The following TSPAN13 variants were observed in gnomAD, a reference collection of about 807,000 sequenced individuals.
TSPAN13 encodes tetraspanin-13.
TSPAN13 carries 18 observed loss-of-function variants against 26.9 expected under a neutral mutation model. That is an observed-to-expected ratio of 0.67 (90% CI 0.46 to 0.99). TSPAN13 has a LOEUF of 0.99. Among genes scored for constraint, TSPAN13 ranks in the 50% least tolerant of loss-of-function variants. The probability of loss-of-function intolerance (pLI) is 0.00; values close to 1 mark genes in which losing one functional copy is unlikely to be tolerated. For missense variants in TSPAN13, 201 were observed against 249.6 expected, an observed-to-expected ratio of 0.81 and a Z score of 1.31; for synonymous variants, 116 against 98.4, an observed-to-expected ratio of 1.18 and a Z score of -1.06.
At chr7:16,758,390 T>A (rs58213692) in intron 1 of TSPAN13, among the ~76,000 whole-genome samples, 6,382 of 152,246 alleles carry the variant, frequency 0.042, 220 homozygotes, top group African/African-American at 0.092. Flanking sequence ...GGTGATGATA[T>A]TTTTCAGTCG....
intron 1 of TSPAN13, among the ~76,000 whole-genome samples, chr7:16,767,551 C>T (rs1784620374): frequency 6.6e-6 from 1 of 152,068 alleles, no homozygotes; most frequent in Admixed American, 6.5e-5. Flanking sequence ...TAGGTGTTCT[C>T]TTGGGGATTA....
At chr7:16,780,133 T>C (rs1022331208) in intron 5 of TSPAN13, among the ~76,000 whole-genome samples, 1 of 151,994 alleles carries the variant, frequency 6.6e-6, no homozygotes, top group Non-Finnish European at 1.5e-5. Flanking sequence ...AGAGTCTTGC[T>C]CTGTTGCTTA....
intron 1 of TSPAN13, among the ~76,000 whole-genome samples, chr7:16,769,537 T>TTGG (rs71551753): frequency 1.3e-5 from 2 of 152,010 alleles, no homozygotes; most frequent in Non-Finnish European, 2.9e-5. Flanking sequence ...TCTTATATTT[T>TTGG]GGGGGTATAT....
intron 1 of TSPAN13, among the ~76,000 whole-genome samples, chr7:16,769,100 A>T (rs577723847): frequency 6.6e-6 from 1 of 152,332 alleles, no homozygotes; most frequent in Non-Finnish European, 1.5e-5. Context: ...TGCTAGGATT[A>T]CACGCATGAG....
At chr7:16,783,248 C>T (rs187597297) in intron 5 of TSPAN13, among the ~76,000 whole-genome samples, 169 bp from the exon 6 acceptor site, 1 of 152,186 alleles carries the variant, frequency 6.6e-6, no homozygotes, top group Non-Finnish European at 1.5e-5. Flanking sequence ...TTTTTCTCAG[C>T]GCCCGTCATT....
At chr7:16,769,457 T>C (rs928610709) in intron 1 of TSPAN13, among the ~76,000 whole-genome samples, 1 of 152,228 alleles carries the variant, frequency 6.6e-6, no homozygotes, top group Admixed American at 6.5e-5. Flanking sequence ...TCTTTCATGT[T>C]CTTCAAATAC....
chr7:16,779,133 A>G lies in TSPAN13; in HGVS notation c.540+17A>G, dbSNP rs763014781. ...TTTACAGAGGTATGTGCAAATAACA[A>G]TATTTTTCCTCCTTTGTCACAGAGA... On this transcript the variant is annotated intron_variant, in intron 5 of 5. Coordinates refer to ENST00000262067, the MANE Select transcript of TSPAN13 (RefSeq NM_014399.4). The G allele has an allele frequency of 2.5e-6, 4 of 1,578,754 alleles. No individual in the cohort carries two copies. Among genetic ancestry groups the G allele is most frequent in the Admixed American group, 3.5e-5 (2 of 57,704 alleles).
At chr7:16,772,174 T>A (rs1306809062) in intron 1 of TSPAN13, among the ~76,000 whole-genome samples, 1 of 152,134 alleles carries the variant, frequency 6.6e-6, no homozygotes, top group Non-Finnish European at 1.5e-5. Context: ...AGATAATGTA[T>A]TTGCTTTGCG....
chr7:16,756,231 T>C (rs919381043), intron 1 of TSPAN13, among the ~76,000 whole-genome samples: 2 of 152,206 alleles, frequency 1.3e-5, no homozygotes, highest in African/African-American at 4.8e-5. Context: ...TGTGAGGCAG[T>C]TGGGGATGGG....
At chr7:16,774,056 A>G (rs898236864) in intron 1 of TSPAN13, among the ~76,000 whole-genome samples, 4 of 152,194 alleles carry the variant, frequency 2.6e-5, no homozygotes, top group African/African-American at 7.2e-5. Context: ...TTTAAATCCT[A>G]TTACCTTCCA....
At chr7:16,778,288 T>C (rs1399597778) in intron 4 of TSPAN13, among the ~76,000 whole-genome samples, 1 of 152,244 alleles carries the variant, frequency 6.6e-6, no homozygotes, top group Non-Finnish European at 1.5e-5. Context: ...GTGAGGCTTC[T>C]TTTGTGAGAT....
intron 1 of TSPAN13, among the ~76,000 whole-genome samples, chr7:16,758,974 A>C (rs1307492204): frequency 6.6e-6 from 1 of 152,214 alleles, no homozygotes; most frequent in Non-Finnish European, 1.5e-5. Flanking sequence ...ACAAAATCCC[A>C]ATGGCTTGCC....
rs1005388260 is a variant in TSPAN13, at chr7:16,770,994, A to G, written c.64-5217A>G. ...TTGTGGTTTTTCTCTAACCCCTGAC[A>G]CTGAAAATACAGCTTTTTGGAGATC... On this transcript the variant is annotated intron_variant, in intron 1 of 5. Coordinates refer to ENST00000262067, the MANE Select transcript of TSPAN13 (RefSeq NM_014399.4). 2.0e-5 allele frequency among the ~76,000 whole-genome samples: 3 copies of G among 152,304 alleles called. 1 individual carries two copies. The highest frequency in any genetic ancestry group is 1.9e-4 in the East Asian group (1 of 5,190).
chr7:16,772,478 T>C (rs1241324368), intron 1 of TSPAN13, among the ~76,000 whole-genome samples: 1 of 152,208 alleles, frequency 6.6e-6, no homozygotes, highest in African/African-American at 2.4e-5. Context: ...GAATCTGTTC[T>C]TGCGTCTTCC....
chr7:16,777,107 G>A lies in TSPAN13; in HGVS notation c.297G>A (p.Leu99=). The part of the protein sequence containing the change: ...QFSVSCACLA[L]NQEQQGQLLE... ...CTGTATCTTGCGCTTGTTTAGCCCTGAACCAGGAGCAACAGGTAAGCTAAG... is the reference window on the plus strand; with the variant it reads ...CTGTATCTTGCGCTTGTTTAGCCCTAAACCAGGAGCAACAGGTAAGCTAAG... The change falls in exon 3 of 6, where the codon CTG becomes CTA. Residue 99 remains leucine (L), a synonymous_variant. Transcript: ENST00000262067. The A allele has an allele frequency of 6.2e-7, 1 of 1,613,192 alleles. No individual in the cohort carries two copies. The highest frequency in any genetic ancestry group is 8.5e-7 in the Non-Finnish European group (1 of 1,179,438).
chr7:16,766,270 G>A (rs532679509), intron 1 of TSPAN13, among the ~76,000 whole-genome samples: 3 of 152,282 alleles, frequency 2.0e-5, no homozygotes, highest in Admixed American at 1.3e-4. Context: ...AAATTGATTA[G>A]CACAAACAAG....
At chr7:16,775,494 G>T (rs968820666) in intron 1 of TSPAN13, among the ~76,000 whole-genome samples, 2 of 152,142 alleles carry the variant, frequency 1.3e-5, no homozygotes, top group African/African-American at 4.8e-5. Flanking sequence ...CTCTATATAT[G>T]ATTTTTAATA....
chr7:16,775,891 G>A (rs915916162), intron 1 of TSPAN13: 1 of 209,866 alleles, frequency 4.8e-6, no homozygotes, highest in Admixed American at 5.6e-5. Flanking sequence ...TTGTGTATGT[G>A]ATTTCTTCAA....
chr7:16,763,375 A>T (rs962695347), intron 1 of TSPAN13, among the ~76,000 whole-genome samples: 1 of 152,204 alleles, frequency 6.6e-6, no homozygotes, highest in Non-Finnish European at 1.5e-5. Flanking sequence ...GTGAATCAGG[A>T]TACTTCATGG....
Sources: gnomAD v4.1 joint callset for allele counts (sites outside exome capture counted in the v4.1 genomes callset) on GRCh38, gnomAD v4.1.1 for gene constraint, MANE v1.5 for transcripts, NCBI Gene and HGNC (gene_info 2026-07-23, HGNC 2026-07-21) for gene names.